Variants in PLCB1 observed in about 807,000 individuals in gnomAD.
PLCB1 encodes phospholipase C beta 1.
Under a neutral mutation model 161.8 loss-of-function variants are expected in PLCB1, and 46 were observed. The ratio of observed to expected loss-of-function variants is 0.28; its 90% CI spans 0.22 to 0.36. The LOEUF (loss-of-function observed/expected upper bound fraction) is 0.36. PLCB1 is among the 10% of genes least tolerant of loss of function. The pLI is 1.00. For synonymous variants in PLCB1, 517 were observed against 503.7 expected (o/e 1.03, Z -0.35); for missense variants, 1,016 against 1,472.5 (o/e 0.69, Z 5.07).
At chr20:8,215,096 G>T (rs1299485968) in intron 2 of PLCB1, among the ~76,000 whole-genome samples, 1 of 152,080 alleles carries the variant, frequency 6.6e-6, no homozygotes, top group Non-Finnish European at 1.5e-5. Context: ...TGCAGAAGCT[G>T]TGTGTTTACC....
intron 3 of PLCB1, among the ~76,000 whole-genome samples, chr20:8,455,810 A>G (rs2122665690): frequency 6.6e-6 from 1 of 151,826 alleles, no homozygotes; most frequent in Admixed American, 6.6e-5. Flanking sequence ...GTAGCCACTC[A>G]CTCCCCAGCG....
intron 3 of PLCB1, among the ~76,000 whole-genome samples, chr20:8,553,012 AT>A (rs1985824695): frequency 6.6e-6 from 1 of 152,178 alleles, no homozygotes; most frequent in South Asian, 2.1e-4. Flanking sequence ...TCTTTGATAT[AT>A]TTGATGATGC....
chr20:8,300,408 G>A (rs1300646689), intron 2 of PLCB1, among the ~76,000 whole-genome samples: 1 of 152,058 alleles, frequency 6.6e-6, no homozygotes, highest in Non-Finnish European at 1.5e-5. Context: ...GAATTAGGAT[G>A]ATTAAAGCCA....
chr20:8,471,303 G>C (rs951324452), intron 3 of PLCB1, among the ~76,000 whole-genome samples: 1 of 152,172 alleles, frequency 6.6e-6, no homozygotes. Flanking sequence ...AGTGTTCAAA[G>C]CAAGGACTGT....
chr20:8,645,686 T>C (rs998572126), intron 4 of PLCB1, among the ~76,000 whole-genome samples: 15 of 152,228 alleles, frequency 9.9e-5, no homozygotes, highest in Admixed American at 9.8e-4. Flanking sequence ...ATACCAGATA[T>C]AGCTGCTTTG....
Position 8,646,111 on chromosome 20 carries a change from A to G in PLCB1, c.394A>G (p.Asn132Asp). 1 of 1,610,724 alleles carries G rather than the reference A, an allele frequency of 6.2e-7. No homozygotes were observed. Among genetic ancestry groups the G allele is most frequent in the Non-Finnish European group, 8.5e-7 (1 of 1,176,836 alleles). Reference sequence around the variant, plus strand: ...TATTTACATTTTTCAGGAATGGACAAATGAGGTTTTCAGTTTGGCAACAAA... The same window carrying G: ...TATTTACATTTTTCAGGAATGGACAGATGAGGTTTTCAGTTTGGCAACAAA... The part of the protein sequence containing the change: ...FQEEVAKEWT[N>D]EVFSLATNLL... The change falls in exon 5 of 32, where the codon AAT (asparagine) becomes GAT (aspartate). Residue 132 changes from asparagine to aspartate, a missense_variant. By Grantham distance (23) the Asn-to-Asp change is conservative. This residue lies in a region of PLCB1 where 181 missense variants were observed against 236.7 expected (regional missense o/e 0.76). Transcript: ENST00000338037.
intron 14 of PLCB1, among the ~76,000 whole-genome samples, chr20:8,721,911 C>T (rs1396577097): frequency 7.2e-6 from 1 of 139,604 alleles, no homozygotes; most frequent in Non-Finnish European, 1.5e-5. Flanking sequence ...GGAAGAGTCG[C>T]GGCTTGGGAA....
intron 3 of PLCB1, among the ~76,000 whole-genome samples, chr20:8,603,057 A>G (rs1184919360): frequency 6.6e-6 from 1 of 152,212 alleles, no homozygotes; most frequent in Non-Finnish European, 1.5e-5. Flanking sequence ...TTTGCATTAT[A>G]TGAAGGACAC....
At position 8,381,869 on chromosome 20, in the gene PLCB1, T is replaced by G. The variant is rs532802841; in HGVS notation, c.246+10419T>G. ...ATTAGTCTAGCCAGCAGTCTATCTA[T>G]TTTGTTAATTTTTTCGGGAAAAAAA... On this transcript the variant is annotated intron_variant, in intron 3 of 31. Transcript: ENST00000338037. Among the ~76,000 whole-genome samples, 25 of 152,078 alleles carry G rather than the reference T, an allele frequency of 1.6e-4. 1 individual carries two copies. The South Asian group carries it at 5.0e-3, about 30-fold the overall frequency.
At chr20:8,501,453 C>T (rs915364857) in intron 3 of PLCB1, among the ~76,000 whole-genome samples, 1 of 152,148 alleles carries the variant, frequency 6.6e-6, no homozygotes, top group Non-Finnish European at 1.5e-5. Flanking sequence ...CCCAAGGCAG[C>T]GGGTCCAATC....
intron 2 of PLCB1, among the ~76,000 whole-genome samples, chr20:8,209,398 A>G (rs1038893284): frequency 7.2e-5 from 11 of 152,120 alleles, no homozygotes; most frequent in African/African-American, 2.4e-4. Context: ...CTTTGTTCTT[A>G]GAGGAGTTAG....
chr20:8,796,363 G>A (rs375472811), intron 31 of PLCB1, among the ~76,000 whole-genome samples: 10 of 152,218 alleles, frequency 6.6e-5, no homozygotes, highest in East Asian at 1.9e-4. Flanking sequence ...CCTTAAATGC[G>A]GCTGATATCT....
chr20:8,226,514 C>T (rs1979692644), intron 2 of PLCB1, among the ~76,000 whole-genome samples: 1 of 151,986 alleles, frequency 6.6e-6, no homozygotes, highest in Admixed American at 6.6e-5. Context: ...TCTGCATTTC[C>T]CTGAAGAAGT....
chr20:8,648,565 C>G (rs943408849), intron 6 of PLCB1, among the ~76,000 whole-genome samples: 1 of 151,852 alleles, frequency 6.6e-6, no homozygotes, highest in Non-Finnish European at 1.5e-5. Flanking sequence ...AAATTAGTAA[C>G]GAAAAAAAGT....
At chr20:8,150,851 A>C (rs1482629289) in intron 2 of PLCB1, among the ~76,000 whole-genome samples, 1 of 152,190 alleles carries the variant, frequency 6.6e-6, no homozygotes, top group African/African-American at 2.4e-5. Context: ...ATGTCAGAAA[A>C]CCAAGAATAA....
At chr20:8,866,636 A>G (rs997312424) in intron 31 of PLCB1, among the ~76,000 whole-genome samples, 1 of 152,206 alleles carries the variant, frequency 6.6e-6, no homozygotes, top group East Asian at 1.9e-4. Flanking sequence ...AGTTAGTAGT[A>G]ATCTAGTTAG....
At chr20:8,476,868 T>A (rs1489187079) in intron 3 of PLCB1, among the ~76,000 whole-genome samples, 3 of 152,136 alleles carry the variant, frequency 2.0e-5, no homozygotes, top group Non-Finnish European at 2.9e-5. Flanking sequence ...AAGCTTAAAA[T>A]GATGGAAAGG....
At chr20:8,177,735 C>G (rs1255783494) in intron 2 of PLCB1, among the ~76,000 whole-genome samples, 1 of 152,028 alleles carries the variant, frequency 6.6e-6, no homozygotes, top group African/African-American at 2.4e-5. Context: ...CAAGTTGGTT[C>G]TATAGAAAAA....
chr20:8,712,699 C>T (rs1979084204), intron 12 of PLCB1, among the ~76,000 whole-genome samples: 1 of 152,184 alleles, frequency 6.6e-6, no homozygotes, highest in Non-Finnish European at 1.5e-5. Flanking sequence ...GCAGATTCCT[C>T]CTTTATAGGG....
Sources: allele counts gnomAD v4.1 joint callset (sites outside exome capture counted in the v4.1 genomes callset), GRCh38; gene constraint gnomAD v4.1.1; regional missense constraint gnomAD v4.1.1; transcripts MANE v1.5; gene names NCBI Gene and HGNC (gene_info 2026-07-23, HGNC 2026-07-21).